The following RUNX1T1 variants were observed in gnomAD, a reference collection of about 807,000 sequenced individuals.
The protein encoded by RUNX1T1 is RUNX1 partner transcriptional co-repressor 1.
RUNX1T1 carries 4 observed loss-of-function variants against 62.8 expected under a neutral mutation model. That is an observed-to-expected ratio of 0.06 (90% CI 0.03 to 0.15). RUNX1T1 has a LOEUF of 0.15. RUNX1T1 is among the 10% of genes least tolerant of loss of function. The pLI, the probability that RUNX1T1 is intolerant of heterozygous loss-of-function variation, is 1.00. For synonymous variants in RUNX1T1, 291 were observed against 286.0 expected, an observed-to-expected ratio of 1.02 and a Z score of -0.18; for missense variants, 508 against 754.3, an observed-to-expected ratio of 0.67 and a Z score of 3.82.
chr8:92,066,225 C>T (rs540574654), upstream of RUNX1T1, among the ~76,000 whole-genome samples: 1 of 152,276 alleles, frequency 6.6e-6, no homozygotes, highest in South Asian at 2.1e-4. Flanking sequence ...GTCATTAAGA[C>T]CCCCCTGCTC....
At chr8:92,067,398 T>C (rs1395762064), upstream of RUNX1T1, among the ~76,000 whole-genome samples, 1 of 152,226 alleles carries the variant, frequency 6.6e-6, no homozygotes, top group Non-Finnish European at 1.5e-5. Flanking sequence ...CCTTCACCTA[T>C]GACTTATGTA....
At chr8:92,052,596 C>G (rs912018130) in intron 1 of RUNX1T1, among the ~76,000 whole-genome samples, 4 of 152,160 alleles carry the variant, frequency 2.6e-5, no homozygotes, top group African/African-American at 9.7e-5. Flanking sequence ...GGGGCATTAT[C>G]TATAGAATAT....
intron 1 of RUNX1T1, among the ~76,000 whole-genome samples, chr8:92,055,691 C>T (rs1207750457): frequency 6.6e-6 from 1 of 152,174 alleles, no homozygotes; most frequent in East Asian, 1.9e-4. Context: ...TGACTTCTAT[C>T]ATTTTCTATA....
At chr8:92,096,670 A>T (rs1837772230) in intron 1 of RUNX1T1, among the ~76,000 whole-genome samples, 1 of 152,202 alleles carries the variant, frequency 6.6e-6, no homozygotes, top group African/African-American at 2.4e-5. Flanking sequence ...TTCAGAATGA[A>T]GGAGCCAATA....
intron 1 of RUNX1T1, among the ~76,000 whole-genome samples, chr8:92,037,828 C>T (rs1462973481): frequency 1.3e-5 from 2 of 152,122 alleles, no homozygotes; most frequent in Non-Finnish European, 2.9e-5. Flanking sequence ...GGCAGTTAAT[C>T]CAATACTTAT....
At chr8:92,082,420 AG>A (rs1188390792) in intron 1 of RUNX1T1, among the ~76,000 whole-genome samples, 4 of 152,172 alleles carry the variant, frequency 2.6e-5, no homozygotes, top group Non-Finnish European at 5.9e-5. Context: ...TCATGTGCAC[AG>A]GGTCATCTTG....
At chr8:92,098,628 A>G (rs912020843) in intron 1 of RUNX1T1, among the ~76,000 whole-genome samples, 1 of 152,224 alleles carries the variant, frequency 6.6e-6, no homozygotes, top group Non-Finnish European at 1.5e-5. Flanking sequence ...TTCAAAACCA[A>G]GTGCCTAGCA....
At chr8:92,076,908 T>C (rs1395297892) in intron 1 of RUNX1T1, among the ~76,000 whole-genome samples, 1 of 152,038 alleles carries the variant, frequency 6.6e-6, no homozygotes, top group African/African-American at 2.4e-5. Context: ...AGTATTGCTA[T>C]GTAATTCTTA....
intron 2 of RUNX1T1, among the ~76,000 whole-genome samples, chr8:92,069,553 C>T (rs1833379381): frequency 6.6e-6 from 1 of 152,110 alleles, no homozygotes; most frequent in Non-Finnish European, 1.5e-5. Flanking sequence ...ATAAACAATT[C>T]AAAGTTACTC....
rs1554588284 is a variant in RUNX1T1, at chr8:91,959,411, C to CG, written c.*830_*831insC. The CG allele has an allele frequency of 1.3e-3, 215 of 161,846 alleles. 6 individuals are homozygous for CG. Among genetic ancestry groups the CG allele is most frequent in the East Asian group, 0.011 (141 of 13,414 alleles). 10.0% of individuals were successfully genotyped at this position (161,846 alleles called of 1,614,324 possible). On this transcript the variant is annotated 3_prime_UTR_variant, in exon 11 of 11. Transcript: ENST00000396218. ...AATTAACTGCAGGCTGAGTCTCTTA[C>CG]TTGTGTGTGTGTGTGTGTGTGTGTG...
intron 1 of RUNX1T1, among the ~76,000 whole-genome samples, chr8:92,031,140 T>G (rs1826139885): frequency 6.6e-6 from 1 of 152,200 alleles, no homozygotes; most frequent in Admixed American, 6.5e-5. Flanking sequence ...CATCCCAATA[T>G]TCTGTCAATT....
intron 10 of RUNX1T1, among the ~76,000 whole-genome samples, chr8:91,961,374 T>C (rs553711837): frequency 3.9e-5 from 6 of 152,260 alleles, no homozygotes; most frequent in Non-Finnish European, 7.3e-5. Context: ...CTGCTGCTCC[T>C]GTGTGCCTCA....
At chr8:92,094,907 T>G in intron 1 of RUNX1T1, 1 of 705,056 alleles carries the variant, frequency 1.4e-6, no homozygotes, top group Non-Finnish European at 2.3e-6. Flanking sequence ...CTTCTTCATC[T>G]AAAGGCTTCA....
At chr8:92,066,717 C>T (rs1384073583), upstream of RUNX1T1, among the ~76,000 whole-genome samples, 4 of 152,080 alleles carry the variant, frequency 2.6e-5, 1 homozygote, top group South Asian at 8.3e-4. Flanking sequence ...TGTCCCCTGA[C>T]AAAGATAAAT....
chr8:91,985,487 T>A (rs1441820725), intron 8 of RUNX1T1, among the ~76,000 whole-genome samples: 1 of 152,142 alleles, frequency 6.6e-6, no homozygotes, highest in African/African-American at 2.4e-5. Context: ...AAACTAGAAT[T>A]AATATAATCA....
At chr8:92,087,048 C>G (rs949781534) in intron 1 of RUNX1T1, among the ~76,000 whole-genome samples, 1 of 152,170 alleles carries the variant, frequency 6.6e-6, no homozygotes, top group African/African-American at 2.4e-5. Context: ...TCTATTTTAT[C>G]ACAGACTCCT....
chr8:92,036,565 G>A (rs1218056529), intron 1 of RUNX1T1, among the ~76,000 whole-genome samples: 2 of 152,072 alleles, frequency 1.3e-5, no homozygotes, highest in African/African-American at 2.4e-5. Context: ...CTGTTTTGAG[G>A]GATCAACACA....
chr8:92,031,867 G>A (rs1056942107), intron 1 of RUNX1T1, among the ~76,000 whole-genome samples: 1 of 151,964 alleles, frequency 6.6e-6, no homozygotes, highest in Non-Finnish European at 1.5e-5. Flanking sequence ...TGAGGCGGGC[G>A]GGTCACTTGA....
downstream of RUNX1T1, chr8:91,956,135 C>CAG (rs1306779795): frequency 8.7e-6 from 2 of 230,002 alleles, no homozygotes; most frequent in Non-Finnish European, 1.7e-5. Flanking sequence ...CAGAGTGATC[C>CAG]AGATTTAGGT....
Sources: allele counts gnomAD v4.1 joint callset (sites outside exome capture counted in the v4.1 genomes callset), GRCh38; gene constraint gnomAD v4.1.1; transcripts MANE v1.5; gene names NCBI Gene and HGNC (gene_info 2026-07-23, HGNC 2026-07-21).